The following OXCT1 variants were observed in gnomAD, a reference collection of about 807,000 sequenced individuals.
OXCT1 encodes succinyl-CoA:3-ketoacid coenzyme A transferase 1, mitochondrial.
OXCT1 carries 27 observed loss-of-function variants against 69.6 expected under a neutral mutation model. The observed-to-expected ratio is 0.39, with a 90% confidence interval of 0.29 to 0.54. OXCT1 has a LOEUF of 0.54. Ranked by LOEUF, OXCT1 falls within the 20% of genes least tolerant of loss-of-function variation. The pLI, the probability that OXCT1 is intolerant of heterozygous loss-of-function variation, is 0.72. For missense variants in OXCT1, 437 were observed against 650.2 expected, an observed-to-expected ratio of 0.67 and a Z score of 3.57; for synonymous variants, 202 against 217.8, an observed-to-expected ratio of 0.93 and a Z score of 0.64.
intron 7 of OXCT1, among the ~76,000 whole-genome samples, chr5:41,826,463 T>C (rs1243202116): frequency 6.6e-6 from 1 of 152,106 alleles, no homozygotes; most frequent in African/African-American, 2.4e-5. Context: ...GGTGAGCATG[T>C]AGCATTTTTA....
In OXCT1 at chr5:41,870,136, G is replaced by C. The variant is rs1010603749; in HGVS notation, c.78+145C>G. ...GGCGAGGCCAGGAACGCGTCGCCGCGTGTCCGTGACCAGGGCACCGCGCCA... is the reference window on the plus strand; with the variant it reads ...GGCGAGGCCAGGAACGCGTCGCCGCCTGTCCGTGACCAGGGCACCGCGCCA... On this transcript the variant is annotated intron_variant, in intron 1 of 16. Transcript: ENST00000196371. The surrounding 1 kb of genome is among the most constrained non-coding windows in gnomAD (Gnocchi z 4.2). 4 of 736,032 alleles carry C rather than the reference G, an allele frequency of 5.4e-6. No individual in the cohort carries two copies. The highest frequency in any genetic ancestry group is 4.9e-6 in the Non-Finnish European group (2 of 411,410). The allele number at this position is 736,032 out of a possible 1,614,324, so 45.6% of individuals were successfully genotyped here. A position where few individuals can be genotyped will look rare whatever the true frequency, so the allele number is the denominator to read the frequency against.
intron 11 of OXCT1, among the ~76,000 whole-genome samples, chr5:41,798,417 G>T (rs1004406885): frequency 1.3e-5 from 2 of 152,104 alleles, no homozygotes; most frequent in African/African-American, 2.4e-5. Flanking sequence ...CAGCGGATAG[G>T]GAAACTGTCC....
intron 11 of OXCT1, among the ~76,000 whole-genome samples, chr5:41,795,908 A>T (rs62360554): frequency 0.12 from 17,628 of 152,108 alleles, 1,117 homozygotes; most frequent in South Asian, 0.16. Flanking sequence ...TAGAAAACAC[A>T]TATAGAAAAA....
At chr5:41,749,163 A>G (rs1036340582) in intron 15 of OXCT1, among the ~76,000 whole-genome samples, 6 of 152,134 alleles carry the variant, frequency 3.9e-5, no homozygotes, top group African/African-American at 1.4e-4. Context: ...ATTTCTTAAA[A>G]TCCAAAAATT....
At chr5:41,782,489 C>T (rs1745456814) in intron 13 of OXCT1, among the ~76,000 whole-genome samples, 1 of 152,184 alleles carries the variant, frequency 6.6e-6, no homozygotes, top group Non-Finnish European at 1.5e-5. Flanking sequence ...GCTGGGATTA[C>T]AGGCATGAGC....
chr5:41,801,691 CTGAAT>C (rs1746432269), intron 10 of OXCT1, among the ~76,000 whole-genome samples: 1 of 152,006 alleles, frequency 6.6e-6, no homozygotes, highest in Non-Finnish European at 1.5e-5. Flanking sequence ...AAATGTAGGC[CTGAAT>C]TTGGGTTTCT....
chr5:41,819,386 C>T (rs1369677763), intron 7 of OXCT1, among the ~76,000 whole-genome samples: 1 of 145,980 alleles, frequency 6.9e-6, no homozygotes, highest in Non-Finnish European at 1.5e-5. Context: ...ATTGGGGGGG[C>T]AGGGGGATGG....
intron 7 of OXCT1, among the ~76,000 whole-genome samples, chr5:41,832,542 G>C (rs1476796372): frequency 1.3e-5 from 2 of 152,018 alleles, no homozygotes; most frequent in African/African-American, 2.4e-5. Flanking sequence ...GCGTTCCCAA[G>C]GAAAGGCACT....
chr5:41,842,778 TC>T lies in OXCT1; in HGVS notation c.567del (p.Arg190GlyfsTer21). 6.2e-7 allele frequency: 1 copy of T among 1,605,206 alleles called. No individual in the cohort carries two copies. Among genetic ancestry groups the T allele is most frequent in the Non-Finnish European group, 8.5e-7 (1 of 1,172,034 alleles). On this transcript the variant is annotated frameshift_variant and splice_region_variant, in exon 6 of 17. Coordinates refer to ENST00000196371, the MANE Select transcript of OXCT1 (RefSeq NM_000436.4). LOFTEE classifies it high-confidence loss of function. ...ATAAAGTGCTGACCATTGAACTCCCTCACCTGCAGAAGAGGGAGAAGGCATC... is the reference window on the plus strand; with the variant it reads ...ATAAAGTGCTGACCATTGAACTCCCTACCTGCAGAAGAGGGAGAAGGCATC... Reference protein sequence around the residue: ...SVAIASKPREVREFNGQHFIL... With the variant: ...SVAIASKPREXREFNGQHFIL...
rs1579733192 is a variant in OXCT1, at chr5:41,786,118, T to C, written c.1248+7885A>G. ...GAGGGACTCCACCGGTAAGAGTCTA[T>C]ATGTTAAGTGGACCGCAGGAAAGTC... On this transcript the variant is annotated intron_variant, in intron 13 of 16. Coordinates refer to ENST00000196371, the MANE Select transcript of OXCT1 (RefSeq NM_000436.4). 3.9e-5 allele frequency among the ~76,000 whole-genome samples: 6 copies of C among 152,236 alleles called. No individual in the cohort carries two copies. The South Asian group carries it at 1.0e-3, about 26-fold the overall frequency.
chr5:41,764,417 A>C (rs538142066), intron 13 of OXCT1, among the ~76,000 whole-genome samples: 2 of 152,246 alleles, frequency 1.3e-5, no homozygotes, highest in African/African-American at 4.8e-5. Context: ...AACTTACTGA[A>C]TGTCTAGTAT....
chr5:41,761,152 A>G (rs1425611677), intron 14 of OXCT1, among the ~76,000 whole-genome samples: 3 of 152,122 alleles, frequency 2.0e-5, no homozygotes, highest in Non-Finnish European at 4.4e-5. Context: ...GTAGAAGCCA[A>G]TGGGTTCAGG....
Position 41,847,298 on chromosome 5 carries a change from A to G in OXCT1, c.564+2732T>C, listed in dbSNP as rs537011897. ...TTGTGGCAATAATCAATAGCTTACC[A>G]ACCAAAAACAGTCCAGGACCAGATG... On this transcript the variant is annotated intron_variant, in intron 5 of 16. Transcript: ENST00000196371. Among the ~76,000 whole-genome samples the G allele has an allele frequency of 5.9e-5, 9 of 152,258 alleles. No homozygotes were observed. The South Asian group carries it at 1.7e-3, about 28-fold the overall frequency.
At chr5:41,829,015 GA>G (rs1243822170) in intron 7 of OXCT1, among the ~76,000 whole-genome samples, 2 of 151,690 alleles carry the variant, frequency 1.3e-5, no homozygotes, top group African/African-American at 4.8e-5. Context: ...CAATATTACA[GA>G]GAAAAAAAAA....
At position 41,864,464 on chromosome 5, in the gene OXCT1, C is replaced by G. The variant is rs567905663; in HGVS notation, c.79-1714G>C. Among the ~76,000 whole-genome samples, 35 of 152,244 alleles carry G rather than the reference C, an allele frequency of 2.3e-4. No individual in the cohort carries two copies. The South Asian group carries it at 6.6e-3, about 29-fold the overall frequency. ...GGGCTTGAGCCACAAAGAGTTTTCC[C>G]TCTTTTCTATTCATCTGCTTCTGTT... On this transcript the variant is annotated intron_variant, in intron 1 of 16. Coordinates refer to ENST00000196371, the MANE Select transcript of OXCT1 (RefSeq NM_000436.4).
At chr5:41,826,149 G>A (rs535325207) in intron 7 of OXCT1, among the ~76,000 whole-genome samples, 11 of 152,284 alleles carry the variant, frequency 7.2e-5, no homozygotes, top group African/African-American at 2.6e-4. Flanking sequence ...TTTGCTTGAT[G>A]TAAGGTATCA....
At chr5:41,765,419 T>G (rs1416827982) in intron 13 of OXCT1, among the ~76,000 whole-genome samples, 1 of 152,198 alleles carries the variant, frequency 6.6e-6, no homozygotes, top group East Asian at 1.9e-4. Flanking sequence ...CACAGCCCAC[T>G]TCTTTGGAAC....
At chr5:41,770,684 T>G (rs1744835773) in intron 13 of OXCT1, among the ~76,000 whole-genome samples, 1 of 152,142 alleles carries the variant, frequency 6.6e-6, no homozygotes, top group Non-Finnish European at 1.5e-5. Context: ...AAATGCAAAT[T>G]CTAAAATCCT....
At chr5:41,857,194 T>C (rs1749470444) in intron 3 of OXCT1, among the ~76,000 whole-genome samples, 1 of 152,180 alleles carries the variant, frequency 6.6e-6, no homozygotes, top group African/African-American at 2.4e-5. Context: ...CCCTCCCTGC[T>C]TCCCCTCCCA....
Sources: gnomAD v4.1 joint callset for allele counts (sites outside exome capture counted in the v4.1 genomes callset) on GRCh38, gnomAD v4.1.1 for gene constraint, Gnocchi (gnomAD v3.1) non-coding constraint, MANE v1.5 for transcripts, NCBI Gene and HGNC (gene_info 2026-07-23, HGNC 2026-07-21) for gene names.